The following CDC42BPA variants were observed in gnomAD, a reference collection of about 807,000 sequenced individuals.
The protein encoded by CDC42BPA is serine/threonine-protein kinase MRCK alpha.
CDC42BPA carries 80 observed loss-of-function variants against 223.5 expected under a neutral mutation model. That is an observed-to-expected ratio of 0.36 (90% CI 0.30 to 0.43). The LOEUF is 0.43. Among genes scored for constraint, CDC42BPA ranks in the 20% least tolerant of loss-of-function variants. The pLI is 1.00. For synonymous variants in CDC42BPA, 694 were observed against 718.6 expected, an observed-to-expected ratio of 0.97 and a Z score of 0.55; for missense variants, 1,743 against 2,099.9, an observed-to-expected ratio of 0.83 and a Z score of 3.32.
At chr1:227,265,338 C>A in intron 1 of CDC42BPA, 1 of 363,172 alleles carries the variant, frequency 2.8e-6, no homozygotes, top group Middle Eastern at 8.4e-4. Flanking sequence ...CCTCATAACC[C>A]TCACAGGGTC....
In CDC42BPA at chr1:227,129,237, A is replaced by G; in HGVS notation, c.1391-6T>C. The G allele has an allele frequency of 6.4e-7, 1 of 1,552,814 alleles. No individual in the cohort carries two copies. Among genetic ancestry groups the G allele is most frequent in the Non-Finnish European group, 8.7e-7 (1 of 1,154,336 alleles). ...TTGGACAGTCTGTGTTGACTCTTTA[A>G]AAAAAAGGATAAAAGAAATAAAAAT... On this transcript the variant is annotated splice_region_variant and splice_polypyrimidine_tract_variant and intron_variant, in intron 10 of 36. Transcript: ENST00000366766.
rs750682013 is a variant in CDC42BPA at position 227,112,725 on chromosome 1, T to C, written c.1836A>G (p.Gln612=). The change falls in exon 13 of 37, where the codon CAA becomes CAG. Residue 612 remains glutamine (Q), a synonymous_variant. Coordinates refer to ENST00000366766, the MANE Select transcript of CDC42BPA (RefSeq NM_001394014.1). ...GTTCTTGCCTTAAGCTTTCAACTTT[T>C]TGCATCACCAGGTCCACCTCTTCTT... ...DKEEEVDLVM[Q]KVESLRQELR... is the part of the protein sequence containing the mutation. The C allele has an allele frequency of 1.2e-5, 19 of 1,614,158 alleles. No individual in the cohort carries two copies. The South Asian group carries it at 1.6e-4, about 14-fold the overall frequency.
chr1:227,100,569 T>G (rs1187097086), intron 15 of CDC42BPA, among the ~76,000 whole-genome samples: 4 of 151,748 alleles, frequency 2.6e-5, no homozygotes, highest in African/African-American at 9.7e-5. Context: ...TCTTACTAAT[T>G]ATATCTCAGC....
rs761245511 is a variant in CDC42BPA, at chr1:227,031,371, T to C, written c.3702A>G (p.Ser1234=). Residue 1234 remains serine (S), a synonymous_variant, in exon 28 of 37, where the codon TCA becomes TCG. Transcript: ENST00000366766. ...CATAAGCCTCTTTGGGAACATAGAC[T>C]GAGCGGTCTCTGAATTTGTTTTTCT... is the stretch of plus-strand genomic sequence containing the variant. The part of the protein sequence containing the change: ...ILKKNKFRDR[S]VYVPKEAYDS... The C allele has an allele frequency of 6.8e-6, 11 of 1,614,030 alleles. No homozygotes were observed. The South Asian group carries it at 1.2e-4, about 18-fold the overall frequency.
intron 2 of CDC42BPA, among the ~76,000 whole-genome samples, chr1:227,237,045 C>CAAAAAAA (rs11447987): frequency 4.7e-5 from 4 of 84,400 alleles, no homozygotes; most frequent in Non-Finnish European, 8.9e-5. Flanking sequence ...CCGGTCTCCA[C>CAAAAAAA]AAAAAAAAAA....
intron 23 of CDC42BPA, among the ~76,000 whole-genome samples, chr1:227,044,818 C>T (rs145068628): frequency 1.4e-4 from 22 of 152,270 alleles, no homozygotes; most frequent in African/African-American, 5.1e-4. Context: ...AAGAAGTACA[C>T]TATGGTTATC....
chr1:227,080,210 G>A (rs1680346950), intron 17 of CDC42BPA, among the ~76,000 whole-genome samples: 1 of 151,868 alleles, frequency 6.6e-6, no homozygotes, highest in Non-Finnish European at 1.5e-5. Flanking sequence ...GATTTCAAAA[G>A]TTAAATAAAT....
intron 1 of CDC42BPA, among the ~76,000 whole-genome samples, chr1:227,307,764 T>G (rs1692813946): frequency 1.3e-5 from 2 of 152,354 alleles, no homozygotes; most frequent in African/African-American, 4.8e-5. Flanking sequence ...TTACGGGTGC[T>G]GCATAATCTT....
At chr1:227,132,145 C>T (rs1348462211) in intron 10 of CDC42BPA, among the ~76,000 whole-genome samples, 3 of 151,904 alleles carry the variant, frequency 2.0e-5, no homozygotes, top group Non-Finnish European at 4.4e-5. Context: ...CCTCTCCCCA[C>T]GGTCTTCCTC....
chr1:227,177,700 T>C (rs1667210313), intron 5 of CDC42BPA, among the ~76,000 whole-genome samples: 1 of 152,206 alleles, frequency 6.6e-6, no homozygotes, highest in African/African-American at 2.4e-5. Context: ...TACAAATTCA[T>C]GTATTTCTCC....
At chr1:227,213,078 A>G in intron 3 of CDC42BPA, 58 bp downstream of exon 3, 1 of 915,634 alleles carries the variant, frequency 1.1e-6, no homozygotes, top group South Asian at 1.7e-5. Flanking sequence ...ATGGAATTTT[A>G]TAATTCCTGA....
At chr1:227,307,338 T>C (rs1441009655) in intron 1 of CDC42BPA, among the ~76,000 whole-genome samples, 1 of 152,174 alleles carries the variant, frequency 6.6e-6, no homozygotes, top group African/African-American at 2.4e-5. Context: ...GAAATTGATA[T>C]AAATTGTGAC....
chr1:227,100,777 T>TGTGTGTGTGTGTGTGC (rs777124731), intron 15 of CDC42BPA, among the ~76,000 whole-genome samples: 26 of 128,508 alleles, frequency 2.0e-4, no homozygotes, highest in African/African-American at 4.3e-4. Flanking sequence ...TGTGTGTGTG[T>TGTGTGTGTGTGTGTGC]GCGTGTGCCA....
intron 1 of CDC42BPA, among the ~76,000 whole-genome samples, chr1:227,274,940 T>G (rs1686659852): frequency 6.6e-6 from 1 of 151,990 alleles, no homozygotes; most frequent in African/African-American, 2.4e-5. Context: ...CTGACAAGAG[T>G]TACACAGAAA....
rs771850830 is a variant in CDC42BPA at position 227,060,192 on chromosome 1, C to T, written c.2905-8207G>A. Among the ~76,000 whole-genome samples the T allele has an allele frequency of 5.3e-5, 8 of 151,746 alleles. 1 individual carries two copies. The highest frequency in any genetic ancestry group is 4.2e-4 in the South Asian group (2 of 4,802). ...GATTACAGGTGCCCACCACCACGCC[C>T]GGCTAATTTTTTGTATTTTTAATAG... On this transcript the variant is annotated intron_variant, in intron 21 of 36. Coordinates refer to ENST00000366766, the MANE Select transcript of CDC42BPA (RefSeq NM_001394014.1).
chr1:227,215,431 T>C (rs1674657535), intron 2 of CDC42BPA, among the ~76,000 whole-genome samples: 1 of 152,158 alleles, frequency 6.6e-6, no homozygotes, highest in African/African-American at 2.4e-5. Flanking sequence ...ACTTATATCA[T>C]TGTGGTAAAG....
chr1:227,037,948 A>G (rs1337209997), intron 24 of CDC42BPA, among the ~76,000 whole-genome samples: 2 of 152,214 alleles, frequency 1.3e-5, no homozygotes, highest in Admixed American at 6.5e-5. Context: ...TGCTAAAATT[A>G]AGTAAGAACA....
At chr1:227,266,444 A>G (rs1198987741) in intron 1 of CDC42BPA, among the ~76,000 whole-genome samples, 1 of 152,188 alleles carries the variant, frequency 6.6e-6, no homozygotes, top group Admixed American at 6.5e-5. Context: ...CAGAGAGCCA[A>G]CCCTGGGATT....
chr1:227,146,076 CAT>C (rs1660653711), intron 7 of CDC42BPA, among the ~76,000 whole-genome samples: 1 of 152,084 alleles, frequency 6.6e-6, no homozygotes, highest in Admixed American at 6.5e-5. Context: ...TGATAATGGT[CAT>C]ATAAGTTACA....
Sources: gnomAD v4.1 joint callset for allele counts (sites outside exome capture counted in the v4.1 genomes callset) on GRCh38, gnomAD v4.1.1 for gene constraint, MANE v1.5 for transcripts, NCBI Gene and HGNC (gene_info 2026-07-23, HGNC 2026-07-21) for gene names.